The following TMEM132C variants were observed in gnomAD, a reference collection of about 807,000 sequenced individuals.
The protein encoded by TMEM132C is protein phosphatase 1, regulatory subunit 152.
A neutral mutation model predicts 61.4 loss-of-function variants in TMEM132C; 29 were observed. The observed-to-expected ratio is 0.47, with a 90% CI of 0.35 to 0.64. The LOEUF is 0.64. Among genes scored for constraint, TMEM132C ranks in the 30% least tolerant of loss-of-function variants. The pLI is 0.00. For synonymous variants in TMEM132C, 656 were observed against 633.1 expected (o/e 1.04, Z -0.54); for missense variants, 1,408 against 1,476.9 (o/e 0.95, Z 0.76).
At chr12:128,308,081 CAG>C (rs1482276457) in intron 1 of TMEM132C, among the ~76,000 whole-genome samples, 6 of 152,280 alleles carry the variant, frequency 3.9e-5, no homozygotes, top group African/African-American at 1.2e-4. Context: ...AGTTAGGAAA[CAG>C]TGCTTCTCTT....
At position 128,491,075 on chromosome 12, in the gene TMEM132C, G is replaced by C. The variant is rs574524252; in HGVS notation, c.975-52882G>C. 2.6e-5 allele frequency among the ~76,000 whole-genome samples: 4 copies of C among 152,276 alleles called. No homozygotes were observed. The South Asian group carries it at 8.3e-4, about 32-fold the overall frequency. ...TGAGATTTCAGCCCAGCATTGTCTG[G>C]CTCCAAAGACCAAATCCTTGACCAT... On this transcript the variant is annotated intron_variant, in intron 2 of 8. Coordinates refer to ENST00000435159, the MANE Select transcript of TMEM132C (RefSeq NM_001136103.3).
chr12:128,455,750 A>G (rs1403321908), intron 2 of TMEM132C, among the ~76,000 whole-genome samples: 1 of 152,232 alleles, frequency 6.6e-6, no homozygotes, highest in Non-Finnish European at 1.5e-5. Context: ...AGGAGAGAAC[A>G]GCCAAGGAAA....
chr12:128,687,687 A>G lies in TMEM132C; in HGVS notation c.1450-6142A>G, dbSNP rs548826852. 1.8e-3 allele frequency among the ~76,000 whole-genome samples: 267 copies of G among 152,364 alleles called. 1 individual carries two copies. The highest frequency in any genetic ancestry group is 2.6e-3 in the Non-Finnish European group (179 of 68,034). ...ATGCACAGGGAAGAAAACCAGGCAC[A>G]TCGGAGAGGAACTTGTACATCATTT... On this transcript the variant is annotated intron_variant, in intron 5 of 8. Transcript: ENST00000435159.
At chr12:128,541,045 C>G (rs60445072) in intron 2 of TMEM132C, among the ~76,000 whole-genome samples, 11,219 of 151,974 alleles carry the variant, frequency 0.074, 1,382 homozygotes, top group African/African-American at 0.25. Context: ...CTCTCTCTCT[C>G]TGTGTGTCTG....
At chr12:128,399,266 A>AT (rs1395468700) in intron 1 of TMEM132C, among the ~76,000 whole-genome samples, 3 of 152,266 alleles carry the variant, frequency 2.0e-5, no homozygotes, top group Admixed American at 6.5e-5. Context: ...TAAGCTCTTT[A>AT]TTTTTGAGGA....
At chr12:128,381,067 G>A (rs1480581387) in intron 1 of TMEM132C, among the ~76,000 whole-genome samples, 1 of 152,170 alleles carries the variant, frequency 6.6e-6, no homozygotes, top group Non-Finnish European at 1.5e-5. Flanking sequence ...CCAAAAGAAA[G>A]CACAGAAGAC....
intron 2 of TMEM132C, among the ~76,000 whole-genome samples, chr12:128,531,274 TTG>T (rs879665595): frequency 0.26 from 39,197 of 152,150 alleles, 6,069 homozygotes; most frequent in East Asian, 0.41. Context: ...AAGTTTTCAT[TTG>T]ATAGGGAAGA....
intron 1 of TMEM132C, among the ~76,000 whole-genome samples, chr12:128,370,760 G>A (rs948031758): frequency 8.3e-5 from 6 of 72,156 alleles, no homozygotes; most frequent in Admixed American, 1.5e-4. Flanking sequence ...AGTGTGGATC[G>A]AGGTGGAGTG....
At chr12:128,542,531 C>T (rs1484792951) in intron 2 of TMEM132C, among the ~76,000 whole-genome samples, 1 of 152,110 alleles carries the variant, frequency 6.6e-6, no homozygotes, top group Non-Finnish European at 1.5e-5. Context: ...ATCTCCAACT[C>T]CTGAGCTCAA....
intron 3 of TMEM132C, among the ~76,000 whole-genome samples, chr12:128,572,791 A>T (rs1015046605): frequency 6.6e-6 from 1 of 151,832 alleles, no homozygotes; most frequent in Non-Finnish European, 1.5e-5. Flanking sequence ...CCGATTGGCC[A>T]GGCCTGGGTC....
At chr12:128,684,559 C>T (rs764721219) in intron 5 of TMEM132C, among the ~76,000 whole-genome samples, 26 of 152,242 alleles carry the variant, frequency 1.7e-4, no homozygotes, top group Non-Finnish European at 2.4e-4. Context: ...GCCAACCCCC[C>T]GCATGGACAG....
intron 1 of TMEM132C, among the ~76,000 whole-genome samples, chr12:128,330,790 T>A (rs1872648040): frequency 6.6e-6 from 1 of 152,198 alleles, no homozygotes; most frequent in Non-Finnish European, 1.5e-5. Flanking sequence ...CCATGAGTTT[T>A]CAGTTAGGAA....
intron 3 of TMEM132C, among the ~76,000 whole-genome samples, chr12:128,604,627 G>A (rs1876345212): frequency 6.6e-6 from 1 of 151,802 alleles, no homozygotes; most frequent in African/African-American, 2.4e-5. Context: ...AAAATGGATG[G>A]AAGATAGATA....
chr12:128,457,525 G>A (rs1405700011), intron 2 of TMEM132C, among the ~76,000 whole-genome samples: 1 of 150,310 alleles, frequency 6.7e-6, no homozygotes, highest in Non-Finnish European at 1.5e-5. Flanking sequence ...GCAGTGAGCC[G>A]AGATCGCGCC....
chr12:128,549,484 G>A lies in TMEM132C; in HGVS notation c.1121+5381G>A, dbSNP rs145911076. Among the ~76,000 whole-genome samples, 1,505 of 152,220 alleles carry A rather than the reference G, an allele frequency of 9.9e-3. 20 individuals are homozygous for A. The highest frequency in any genetic ancestry group is 0.032 in the African/African-American group (1,338 of 41,550). ...AAATGTTCTTGCACAGTTTCCATCT[G>A]TGGGAAGCTTTAGACATCCCCTTTC... On this transcript the variant is annotated intron_variant, in intron 3 of 8. Coordinates refer to ENST00000435159, the MANE Select transcript of TMEM132C (RefSeq NM_001136103.3).
intron 3 of TMEM132C, among the ~76,000 whole-genome samples, chr12:128,557,768 G>T (rs1415422193): frequency 1.3e-5 from 2 of 152,216 alleles, no homozygotes; most frequent in African/African-American, 2.4e-5. Flanking sequence ...CTCATATCTG[G>T]CTGATCTTCA....
In TMEM132C at chr12:128,299,638, G is replaced by T. The variant is rs533350741; in HGVS notation, c.85+32151G>T. Among the ~76,000 whole-genome samples, 47 of 152,312 alleles carry T rather than the reference G, an allele frequency of 3.1e-4. No individual in the cohort carries two copies. In the South Asian group the frequency reaches 9.5e-3, roughly 31 times the overall value. Reference sequence around the variant, plus strand: ...AATTTGAAATTTGAAAACAATTCCAGATTGTTTTTCGTATAGAGAGAACTT... The same window carrying T: ...AATTTGAAATTTGAAAACAATTCCATATTGTTTTTCGTATAGAGAGAACTT... On this transcript the variant is annotated intron_variant, in intron 1 of 8. Transcript: ENST00000435159.
chr12:128,548,242 C>T (rs1429242525), intron 3 of TMEM132C, among the ~76,000 whole-genome samples: 1 of 152,214 alleles, frequency 6.6e-6, no homozygotes. Flanking sequence ...ACTGCCTCCA[C>T]GTGCCATTCT....
At chr12:128,535,403 A>G (rs987503677) in intron 2 of TMEM132C, among the ~76,000 whole-genome samples, 4 of 152,166 alleles carry the variant, frequency 2.6e-5, no homozygotes, top group Non-Finnish European at 5.9e-5. Flanking sequence ...AAAAAAACAA[A>G]CAACCCCATG....
Sources: gnomAD v4.1 joint callset for allele counts (sites outside exome capture counted in the v4.1 genomes callset) on GRCh38, gnomAD v4.1.1 for gene constraint, MANE v1.5 for transcripts, NCBI Gene and HGNC (gene_info 2026-07-23, HGNC 2026-07-21) for gene names.